KIFC1: variants seen among roughly 807,000 people sequenced by gnomAD.
KIFC1 encodes kinesin-like protein KIFC1.
In KIFC1, 37 loss-of-function variants were observed where a neutral mutation model predicts 66.6. That is an observed-to-expected ratio of 0.56 (90% CI 0.43 to 0.73). The LOEUF (loss-of-function observed/expected upper bound fraction) is 0.73. KIFC1 is among the 30% of genes least tolerant of loss of function. KIFC1 has a pLI of 0.00. For synonymous variants in KIFC1, 325 were observed against 343.5 expected, an observed-to-expected ratio of 0.95 and a Z score of 0.60; for missense variants, 721 against 859.8, an observed-to-expected ratio of 0.84 and a Z score of 2.02.
In KIFC1 at chr6:33,405,737, T is replaced by TTATCA; in HGVS notation, c.1536+106_1536+107insTATCA. On this transcript the variant is annotated intron_variant, in intron 7 of 10. Transcript: ENST00000428849. This position sits in a 1 kb window ranked among gnomAD's most constrained non-coding sequence, Gnocchi z 5.4. ...AGCAAGAGAGAATTGAAGGATGAAG[T>TTATCA]GCAAGTTATCAGGCTGGGTTACCAC... The TTATCA allele has an allele frequency of 8.3e-7, 1 of 1,208,744 alleles. No homozygotes were observed. The highest frequency in any genetic ancestry group is 1.1e-6 in the Non-Finnish European group (1 of 907,550). 74.9% of individuals were successfully genotyped at this position (1,208,744 alleles called of 1,614,324 possible). A position where few individuals can be genotyped will look rare whatever the true frequency, so the allele number is the denominator to read the frequency against.
Position 33,405,646 on chromosome 6 carries a change from G to A in KIFC1, c.1536+15G>A. 1.3e-6 allele frequency: 2 copies of A among 1,490,518 alleles called. No individual in the cohort carries two copies. Among genetic ancestry groups the A allele is most frequent in the Non-Finnish European group, 1.8e-6 (2 of 1,124,656 alleles). 92.3% of individuals were successfully genotyped at this position (1,490,518 alleles called of 1,614,324 possible). A position where few individuals can be genotyped will look rare whatever the true frequency, so the allele number is the denominator to read the frequency against. On this transcript the variant is annotated intron_variant, in intron 7 of 10. Coordinates refer to ENST00000428849, the MANE Select transcript of KIFC1 (RefSeq NM_002263.4). This position sits in a 1 kb window ranked among gnomAD's most constrained non-coding sequence, Gnocchi z 5.4. ...GTGAGAAAGAAGTGAGGACCCATGG[G>A]CACTGGAACTGGGAAATGGGGAGGA...
intron 10 of KIFC1, chr6:33,407,116 A>T (rs1381781405): frequency 2.2e-6 from 3 of 1,376,076 alleles, no homozygotes; most frequent in Non-Finnish European, 2.8e-6. Context: ...GGTGACTAAA[A>T]GGTCTAAACT....
chr6:33,406,273 C>A lies in KIFC1; in HGVS notation c.1614C>A (p.Ser538Arg). 1.2e-6 allele frequency: 2 copies of A among 1,614,210 alleles called. No individual in the cohort carries two copies. Among genetic ancestry groups the A allele is most frequent in the Non-Finnish European group, 1.7e-6 (2 of 1,180,044 alleles). The change falls in exon 8 of 11, where the codon AGC becomes AGA. Residue 538 changes from serine to arginine, a missense_variant. Coordinates refer to ENST00000428849, the MANE Select transcript of KIFC1 (RefSeq NM_002263.4). The surrounding 1 kb of genome is among the most constrained non-coding windows in gnomAD (Gnocchi z 4.5). ...RTAQNERSSR[S>R]HSVFQLQISG... ...CCCAGAATGAACGGTCATCACGCAG[C>A]CACAGTGTATTCCAGCTACAGATTT... is the stretch of plus-strand genomic sequence containing the variant.
At chr6:33,392,102 C>T in intron 1 of KIFC1, 105 bp downstream of exon 1, 1 of 1,312,628 alleles carries the variant, frequency 7.6e-7, no homozygotes, top group Non-Finnish European at 1.1e-6. Context: ...GTCATGTCTA[C>T]CGGGAGAGCG....
chr6:33,409,592 A>C, intron 10 of KIFC1, 54 bp from the exon 11 acceptor site: 1 of 1,549,640 alleles, frequency 6.5e-7, no homozygotes, highest in Non-Finnish European at 8.9e-7. Context: ...CTTGGGAAAA[A>C]TGTTGTATTG....
intron 1 of KIFC1, among the ~76,000 whole-genome samples, chr6:33,393,474 C>G (rs903872214): frequency 5.5e-5 from 5 of 90,822 alleles, no homozygotes; most frequent in Non-Finnish European, 6.0e-5. Flanking sequence ...GGTTCTCTTT[C>G]TCTGTTCCCA....
chr6:33,391,756 T>C (rs1414059030), upstream of KIFC1: 7 of 628,906 alleles, frequency 1.1e-5, no homozygotes, highest in Non-Finnish European at 1.4e-5. Flanking sequence ...CGATTGGCCC[T>C]CGGCTGTGGC....
rs1208928300 is a variant in KIFC1, at chr6:33,403,921, C to T, written c.548C>T (p.Thr183Ile). ...CAGCAGCAGGTCAAGGCCCTGGGGA[C>T]AGAGCGCACAACACTGGAGGGGCAT... is the stretch of plus-strand genomic sequence containing the variant. The part of the protein sequence containing the change: ...DAQQQVKALG[T>I]ERTTLEGHLA... Residue 183 changes from threonine to isoleucine, a missense_variant, in exon 6 of 11, where the codon ACA (threonine) becomes ATA (isoleucine). Physicochemically the swap from Thr to Ile is moderately conservative, Grantham distance 89. Transcript: ENST00000428849. This position sits in a 1 kb window ranked among gnomAD's most constrained non-coding sequence, Gnocchi z 4.6. 2 of 1,614,096 alleles carry T rather than the reference C, an allele frequency of 1.2e-6. No homozygotes were observed. The highest frequency in any genetic ancestry group is 1.3e-5 in the African/African-American group (1 of 74,940).
At chr6:33,398,625 G>A (rs1473260047) in intron 3 of KIFC1, among the ~76,000 whole-genome samples, 1 of 152,080 alleles carries the variant, frequency 6.6e-6, no homozygotes, top group Non-Finnish European at 1.5e-5. Context: ...ACCATGCCCA[G>A]CTAATTTTTG....
intron 3 of KIFC1, among the ~76,000 whole-genome samples, chr6:33,402,732 A>AAAAAAAACAAAATGG (rs1375021638): frequency 9.3e-5 from 14 of 150,012 alleles, no homozygotes; most frequent in African/African-American, 3.2e-4. Context: ...CTCCATCTCA[A>AAAAAAAACAAAATGG]AAAAAAAACA....
At position 33,403,015 on chromosome 6, in the gene KIFC1, C is replaced by T. The variant is rs540577435; in HGVS notation, c.251-299C>T. Reference sequence around the variant, plus strand: ...AATCAATAAATAAAGTATATGGGAGCGTGTGCATAGACTATATTTAATACT... The same window carrying T: ...AATCAATAAATAAAGTATATGGGAGTGTGTGCATAGACTATATTTAATACT... On this transcript the variant is annotated intron_variant, in intron 3 of 10. Coordinates refer to ENST00000428849, the MANE Select transcript of KIFC1 (RefSeq NM_002263.4). The surrounding 1 kb of genome is among the most constrained non-coding windows in gnomAD (Gnocchi z 4.6). Among the ~76,000 whole-genome samples the T allele has an allele frequency of 3.3e-5, 5 of 151,946 alleles. No individual in the cohort carries two copies. The highest frequency in any genetic ancestry group is 7.3e-5 in the African/African-American group (3 of 41,334).
rs1265415338 is a variant in KIFC1, at chr6:33,403,385, C to G, written c.304+18C>G. 3.1e-6 allele frequency: 5 copies of G among 1,613,746 alleles called. No homozygotes were observed. The African/African-American group carries it at 6.7e-5, about 22-fold the overall frequency. Reference sequence around the variant, plus strand: ...TGCCACAGGTAACTGTGCTCAAGAGCTGGGTCTGAGAAGGGATTTGGGGTA... The same window carrying G: ...TGCCACAGGTAACTGTGCTCAAGAGGTGGGTCTGAGAAGGGATTTGGGGTA... On this transcript the variant is annotated intron_variant, in intron 4 of 10. Coordinates refer to ENST00000428849, the MANE Select transcript of KIFC1 (RefSeq NM_002263.4). This position sits in a 1 kb window ranked among gnomAD's most constrained non-coding sequence, Gnocchi z 4.6.
intron 2 of KIFC1, 31 bp downstream of exon 2, chr6:33,398,197 T>A (rs1775187360): frequency 6.2e-7 from 1 of 1,613,904 alleles, no homozygotes; most frequent in Admixed American, 1.7e-5. Context: ...TGTGCATGTG[T>A]GTGGGGGGTG....
intron 1 of KIFC1, among the ~76,000 whole-genome samples, chr6:33,393,913 A>C (rs1774912754): frequency 6.6e-6 from 1 of 151,552 alleles, no homozygotes; most frequent in South Asian, 2.1e-4. Context: ...CGCCCGGCTA[A>C]TTTTTTGTAT....
chr6:33,399,731 C>G lies in KIFC1; in HGVS notation c.250+1344C>G, dbSNP rs541121156. On this transcript the variant is annotated intron_variant, in intron 3 of 10. Coordinates refer to ENST00000428849, the MANE Select transcript of KIFC1 (RefSeq NM_002263.4). ...AATGATAAAAAATGGCACACCTGTA[C>G]AGGGTACTAACCATTAAATGGAGCA... Among the ~76,000 whole-genome samples the G allele has an allele frequency of 7.9e-5, 12 of 152,260 alleles. No homozygotes were observed. In the East Asian group the frequency reaches 1.9e-3, roughly 24 times the overall value.
chr6:33,405,502 C>T lies in KIFC1; in HGVS notation c.1407C>T (p.Val469=), dbSNP rs1214473738. Residue 469 remains valine, a synonymous_variant, in exon 7 of 11, where the codon GTC becomes GTT. Coordinates refer to ENST00000428849, the MANE Select transcript of KIFC1 (RefSeq NM_002263.4). The surrounding 1 kb of genome is among the most constrained non-coding windows in gnomAD (Gnocchi z 5.4). ...ASYVEIYNET[V]RDLLATGTRK... is the part of the protein sequence containing the mutation. ...ACGTAGAGATCTACAATGAGACTGTCCGGGACCTGCTGGCCACTGGAACCC... is the reference window on the plus strand; with the variant it reads ...ACGTAGAGATCTACAATGAGACTGTTCGGGACCTGCTGGCCACTGGAACCC... The T allele has an allele frequency of 6.2e-7, 1 of 1,612,660 alleles. No individual in the cohort carries two copies. Among genetic ancestry groups the T allele is most frequent in the Non-Finnish European group, 8.5e-7 (1 of 1,179,360 alleles).
chr6:33,396,199 C>G (rs926117390), intron 1 of KIFC1, among the ~76,000 whole-genome samples: 13 of 152,272 alleles, frequency 8.5e-5, no homozygotes, highest in Admixed American at 6.5e-4. Context: ...ACGGGTAGCT[C>G]AAACTCACTT....
Position 33,406,752 on chromosome 6 carries a change from G to A in KIFC1, c.1902-48G>A. On this transcript the variant is annotated intron_variant, in intron 9 of 10. Coordinates refer to ENST00000428849, the MANE Select transcript of KIFC1 (RefSeq NM_002263.4). The surrounding 1 kb of genome is among the most constrained non-coding windows in gnomAD (Gnocchi z 4.5). ...AGGGGAACAGTGGAGACCTGTCCAG[G>A]CTCTGCTGGCCCCTAATGCTGGGGT... 3.7e-6 allele frequency: 6 copies of A among 1,612,160 alleles called. No homozygotes were observed. The highest frequency in any genetic ancestry group is 1.1e-5 in the South Asian group (1 of 91,040).
rs181689683 is a variant in KIFC1, at chr6:33,402,732, A to T, written c.251-582A>T. On this transcript the variant is annotated intron_variant, in intron 3 of 10. Coordinates refer to ENST00000428849, the MANE Select transcript of KIFC1 (RefSeq NM_002263.4). ...GTGAGAAGAGTGCAACTCCATCTCAAAAAAAAAACAAAATGGAGGCCAAGG... is the reference window on the plus strand; with the variant it reads ...GTGAGAAGAGTGCAACTCCATCTCATAAAAAAAACAAAATGGAGGCCAAGG... Among the ~76,000 whole-genome samples the T allele has an allele frequency of 1.5e-3, 232 of 150,128 alleles. 4 individuals are homozygous for T. The East Asian group carries it at 0.043, about 28-fold the overall frequency.
Sources: gnomAD v4.1 joint callset for allele counts (sites outside exome capture counted in the v4.1 genomes callset) on GRCh38, gnomAD v4.1.1 for gene constraint, Gnocchi (gnomAD v3.1) non-coding constraint, MANE v1.5 for transcripts, NCBI Gene and HGNC (gene_info 2026-07-23, HGNC 2026-07-21) for gene names.